The following USP5 variants were observed in gnomAD, a reference collection of about 807,000 sequenced individuals.
The protein encoded by USP5 is ubiquitin specific peptidase 5.
USP5 carries 24 observed loss-of-function variants against 102.5 expected under a neutral mutation model. The ratio of observed to expected loss-of-function variants is 0.23; its 90% CI spans 0.17 to 0.33. The LOEUF is 0.33. USP5 is among the 10% of genes least tolerant of loss of function. The probability of loss-of-function intolerance (pLI) is 1.00; values close to 1 mark genes in which losing one functional copy is unlikely to be tolerated. For missense variants in USP5, 753 were observed against 1,122.1 expected, an observed-to-expected ratio of 0.67 and a Z score of 4.70; for synonymous variants, 460 against 434.8, an observed-to-expected ratio of 1.06 and a Z score of -0.72.
At position 6,863,109 on chromosome 12, in the gene USP5, G is replaced by C. The variant is rs909594661; in HGVS notation, c.1763-77G>C. On this transcript the variant is annotated intron_variant, in intron 14 of 19. Coordinates refer to ENST00000229268, the MANE Select transcript of USP5 (RefSeq NM_001098536.2). This position sits in a 1 kb window ranked among gnomAD's most constrained non-coding sequence, Gnocchi z 4.7. ...TCTTTACAGAGCAGTTCTGACATAG[G>C]GGGCAGGGGATTGAGGTTCCCGAAT... 45 of 1,437,934 alleles carry C rather than the reference G, an allele frequency of 3.1e-5. No homozygotes were observed. Among genetic ancestry groups the C allele is most frequent in the Non-Finnish European group, 3.8e-5 (41 of 1,069,740 alleles). The allele number at this position is 1,437,934 out of a possible 1,614,324, so 89.1% of individuals were successfully genotyped here. A position where few individuals can be genotyped will look rare whatever the true frequency, so the allele number is the denominator to read the frequency against.
At position 6,859,486 on chromosome 12, in the gene USP5, GAGA is replaced by G; in HGVS notation, c.1079_1081del (p.Lys360del). The G allele has an allele frequency of 6.2e-7, 1 of 1,614,132 alleles. No homozygotes were observed. The highest frequency in any genetic ancestry group is 8.5e-7 in the Non-Finnish European group (1 of 1,180,028). On this transcript the variant is annotated inframe_deletion, in exon 9 of 20. Coordinates refer to ENST00000229268, the MANE Select transcript of USP5 (RefSeq NM_001098536.2). Reference sequence around the variant, plus strand: ...GACTTTTAGGTATGTGGATAAGCTGGAGAAGATCTTCCAGAATGCCCCGACGGA... The same window carrying G: ...GACTTTTAGGTATGTGGATAAGCTGGAGATCTTCCAGAATGCCCCGACGGA...
At chr12:6,862,116 T>G (rs1298984112) in intron 13 of USP5, among the ~76,000 whole-genome samples, 1 of 151,616 alleles carries the variant, frequency 6.6e-6, no homozygotes, top group Non-Finnish European at 1.5e-5. Context: ...GGTCTTGCTA[T>G]GTTTTTTTCC....
chr12:6,853,740 T>C (rs913007318), intron 1 of USP5, among the ~76,000 whole-genome samples: 9 of 152,268 alleles, frequency 5.9e-5, no homozygotes, highest in Admixed American at 2.0e-4. Context: ...CCTAGTTCTT[T>C]GCTAACCAAC....
chr12:6,862,849 AG>A (rs1555129855), intron 14 of USP5, among the ~76,000 whole-genome samples: 1 of 152,236 alleles, frequency 6.6e-6, no homozygotes, highest in East Asian at 1.9e-4. Flanking sequence ...TGAGTCTTAC[AG>A]GTCCCTGACT....
In USP5 at chr12:6,860,552, C is replaced by A; in HGVS notation, c.1344+61C>A. ...TGCAATTTACTCGCTCTCCTTCCTG[C>A]CCATTTCTCCCTCTATCAGCCCCAA... On this transcript the variant is annotated intron_variant, in intron 11 of 19. Transcript: ENST00000229268. The surrounding 1 kb of genome is among the most constrained non-coding windows in gnomAD (Gnocchi z 5.5). 1.2e-6 allele frequency: 2 copies of A among 1,603,268 alleles called. No homozygotes were observed. Among genetic ancestry groups the A allele is most frequent in the Non-Finnish European group, 8.5e-7 (1 of 1,177,814 alleles).
chr12:6,862,422 G>T (rs1555129754), intron 13 of USP5, 48 bp from the exon 14 acceptor site: 1 of 1,567,626 alleles, frequency 6.4e-7, no homozygotes, highest in Non-Finnish European at 8.8e-7. Context: ...TTCAGGAGAG[G>T]AAAACCCTGG....
At position 6,858,434 on chromosome 12, in the gene USP5, C is replaced by T. The variant is rs781879576; in HGVS notation, c.875C>T (p.Thr292Met). The T allele has an allele frequency of 3.1e-6, 5 of 1,602,436 alleles. No individual in the cohort carries two copies. Among genetic ancestry groups the T allele is most frequent in the Non-Finnish European group, 4.3e-6 (5 of 1,170,018 alleles). ...CCCCTTCTCACACAGACAGACAAGA[C>T]GATGACTGAGTTGGAGATAGACATG... Reference protein sequence around the residue: ...DMLKMQKTDKTMTELEIDMNQ... With the variant: ...DMLKMQKTDKMMTELEIDMNQ... Residue 292 changes from threonine to methionine, a missense_variant, in exon 8 of 20, where the codon ACG becomes ATG. Physicochemically the swap from Thr to Met is moderately conservative, Grantham distance 81 (BLOSUM62 -1). Around this residue, in one of 3 missense-constraint regions of USP5, gnomAD observed 527 missense variants for 816.5 expected, o/e 0.65. Coordinates refer to ENST00000229268, the MANE Select transcript of USP5 (RefSeq NM_001098536.2). The surrounding 1 kb of genome is among the most constrained non-coding windows in gnomAD (Gnocchi z 4.2).
At position 6,861,028 on chromosome 12, in the gene USP5, A is replaced by G; in HGVS notation, c.1420A>G (p.Thr474Ala). The change falls in exon 12 of 20, where the codon ACA becomes GCA. Residue 474 changes from threonine (T) to alanine (A), a missense_variant. Around this residue, in one of 3 missense-constraint regions of USP5, gnomAD observed 527 missense variants for 816.5 expected, o/e 0.65. Coordinates refer to ENST00000229268, the MANE Select transcript of USP5 (RefSeq NM_001098536.2). The surrounding 1 kb of genome is among the most constrained non-coding windows in gnomAD (Gnocchi z 4.9). ...LVEEKIKCLA[T>A]EKVKYTQRVD... Reference sequence around the variant, plus strand: ...GGAGGAAAAGATCAAGTGCCTGGCCACAGAGAAGGTGAAGTACACCCAGCG... The same window carrying G: ...GGAGGAAAAGATCAAGTGCCTGGCCGCAGAGAAGGTGAAGTACACCCAGCG... 1 of 1,614,244 alleles carries G rather than the reference A, an allele frequency of 6.2e-7. No individual in the cohort carries two copies. Among genetic ancestry groups the G allele is most frequent in the Non-Finnish European group, 8.5e-7 (1 of 1,180,038 alleles).
chr12:6,856,220 G>A lies in USP5; in HGVS notation c.438+70G>A. ...GCCAGGGTAGTGGTGTCTTAGGCAA[G>A]CACTGACAAAGCTGAAGGCCAAGGG... is the stretch of plus-strand genomic sequence containing the variant. On this transcript the variant is annotated intron_variant, in intron 4 of 19. Transcript: ENST00000229268. The surrounding 1 kb of genome is among the most constrained non-coding windows in gnomAD (Gnocchi z 5.6). 6.2e-7 allele frequency: 1 copy of A among 1,607,992 alleles called. No homozygotes were observed. Among genetic ancestry groups the A allele is most frequent in the Non-Finnish European group, 8.5e-7 (1 of 1,175,838 alleles).
In USP5 at chr12:6,856,091, G is replaced by A. The variant is rs782436774; in HGVS notation, c.379G>A (p.Asp127Asn). 5 of 1,614,084 alleles carry A rather than the reference G, an allele frequency of 3.1e-6. No homozygotes were observed. In the South Asian group the frequency reaches 5.5e-5, roughly 18 times the overall value. ...DEDVKIVILP[D>N]YLEIARDGLG... Reference sequence around the variant, plus strand: ...GGATGTGAAGATTGTCATTTTGCCAGATTACCTGGAGATTGCCCGGGATGG... The same window carrying A: ...GGATGTGAAGATTGTCATTTTGCCAAATTACCTGGAGATTGCCCGGGATGG... The change falls in exon 4 of 20, where the codon GAT becomes AAT. Residue 127 changes from aspartate (D) to asparagine (N), a missense_variant. Transcript: ENST00000229268. This position sits in a 1 kb window ranked among gnomAD's most constrained non-coding sequence, Gnocchi z 5.6.
intron 19 of USP5, among the ~76,000 whole-genome samples, chr12:6,865,537 A>T (rs1017743912): frequency 2.6e-5 from 4 of 152,308 alleles, no homozygotes; most frequent in African/African-American, 4.8e-5. Context: ...TGCTAGGATT[A>T]CAGGCATGAG....
rs1555128128 is a variant in USP5 at position 6,855,980 on chromosome 12, A to G, written c.305-37A>G. Reference sequence around the variant, plus strand: ...GGAGGAGGGACATTGACCTGTTGTCATTGCTCTACTCTCCCTCTTCTTCCC... The same window carrying G: ...GGAGGAGGGACATTGACCTGTTGTCGTTGCTCTACTCTCCCTCTTCTTCCC... On this transcript the variant is annotated intron_variant, in intron 3 of 19. Transcript: ENST00000229268. The surrounding 1 kb of genome is among the most constrained non-coding windows in gnomAD (Gnocchi z 4.6). 1.9e-6 allele frequency: 3 copies of G among 1,613,122 alleles called. No homozygotes were observed. The African/African-American group carries it at 4.0e-5, about 21-fold the overall frequency.
At position 6,863,127 on chromosome 12, in the gene USP5, T is replaced by C. The variant is rs939796979; in HGVS notation, c.1763-59T>C. 4.2e-5 allele frequency: 64 copies of C among 1,531,496 alleles called. 1 individual carries two copies. The highest frequency in any genetic ancestry group is 1.9e-4 in the South Asian group (15 of 79,956). The allele number at this position is 1,531,496 out of a possible 1,614,324, so 94.9% of individuals were successfully genotyped here. On this transcript the variant is annotated intron_variant, in intron 14 of 19. Coordinates refer to ENST00000229268, the MANE Select transcript of USP5 (RefSeq NM_001098536.2). This position sits in a 1 kb window ranked among gnomAD's most constrained non-coding sequence, Gnocchi z 4.7. ...GACATAGGGGGCAGGGGATTGAGGT[T>C]CCCGAATCACTTTCCAGGTAGGCCT...
Position 6,864,524 on chromosome 12 carries a change from C to T in USP5, c.2245-198C>T, listed in dbSNP as rs1013498653. On this transcript the variant is annotated intron_variant, in intron 17 of 19. Coordinates refer to ENST00000229268, the MANE Select transcript of USP5 (RefSeq NM_001098536.2). This position sits in a 1 kb window ranked among gnomAD's most constrained non-coding sequence, Gnocchi z 4.8. ...CTAACACGGTGAAACCCCGTCTCTA[C>T]GAAAAATACAAAAAATTAACCAAGC... Among the ~76,000 whole-genome samples the T allele has an allele frequency of 2.0e-5, 3 of 152,102 alleles. No individual in the cohort carries two copies. Among genetic ancestry groups the T allele is most frequent in the Non-Finnish European group, 2.9e-5 (2 of 68,024 alleles).
Position 6,864,030 on chromosome 12 carries a change from CA to C in USP5, c.2099-18del, listed in dbSNP as rs1555130170. On this transcript the variant is annotated intron_variant, in intron 16 of 19. Transcript: ENST00000229268. The surrounding 1 kb of genome is among the most constrained non-coding windows in gnomAD (Gnocchi z 4.8). Reference sequence around the variant, plus strand: ...GGCCTCCATCCTCCCCCAAACACATCAACCCCTTCACATCCACAGATTTTGC... The same window carrying C: ...GGCCTCCATCCTCCCCCAAACACATCACCCCTTCACATCCACAGATTTTGC... 1 of 1,590,614 alleles carries C rather than the reference CA, an allele frequency of 6.3e-7. No individual in the cohort carries two copies. Among genetic ancestry groups the C allele is most frequent in the Admixed American group, 1.7e-5 (1 of 58,148 alleles).
In USP5 at chr12:6,858,993, G is replaced by A. The variant is rs1555128938; in HGVS notation, c.1058+376G>A. Among the ~76,000 whole-genome samples the A allele has an allele frequency of 6.6e-6, 1 of 152,128 alleles. No individual in the cohort carries two copies. Among genetic ancestry groups the A allele is most frequent in the Non-Finnish European group, 1.5e-5 (1 of 68,032 alleles). ...AGAGTGCCAAGTCCCAGGGCTCTGT[G>A]GCCTTCTGACAGACTCAAGGGTTAG... On this transcript the variant is annotated intron_variant, in intron 8 of 19. Transcript: ENST00000229268. This position sits in a 1 kb window ranked among gnomAD's most constrained non-coding sequence, Gnocchi z 4.2.
In USP5 at chr12:6,861,734, C is replaced by T. The variant is rs1057312234; in HGVS notation, c.1673+117C>T. On this transcript the variant is annotated intron_variant, in intron 13 of 19. Transcript: ENST00000229268. The surrounding 1 kb of genome is among the most constrained non-coding windows in gnomAD (Gnocchi z 4.9). ...TGTGGTTGGAACCTCAGGGTTGAAT[C>T]AGTTGGGCTGGTAATCTGGCCCTGA... 6.6e-5 allele frequency: 79 copies of T among 1,200,652 alleles called. 1 individual carries two copies. Among genetic ancestry groups the T allele is most frequent in the Non-Finnish European group, 7.8e-5 (72 of 923,498 alleles). 74.4% of individuals were successfully genotyped at this position (1,200,652 alleles called of 1,614,324 possible). A position where few individuals can be genotyped will look rare whatever the true frequency, so the allele number is the denominator to read the frequency against.
intron 14 of USP5, 51 bp downstream of exon 14, chr12:6,862,609 G>T: frequency 6.4e-7 from 1 of 1,563,714 alleles, no homozygotes; most frequent in Non-Finnish European, 8.8e-7. Context: ...AGAAAAAGAA[G>T]GGGCTTTAAC....
Position 6,859,507 on chromosome 12 carries a change from CCGA to C in USP5, c.1099_1101del (p.Thr367del). The stretch of plus-strand genomic sequence containing the variant: ...GCTGGAGAAGATCTTCCAGAATGCC[CCGA>C]CGGACCCTACCCAGGATTTCAGCAC... On this transcript the variant is annotated inframe_deletion, in exon 9 of 20. Transcript: ENST00000229268. 6.2e-7 allele frequency: 1 copy of C among 1,614,190 alleles called. No individual in the cohort carries two copies. Among genetic ancestry groups the C allele is most frequent in the Non-Finnish European group, 8.5e-7 (1 of 1,180,022 alleles).
Sources: gnomAD v4.1 joint callset for allele counts (sites outside exome capture counted in the v4.1 genomes callset) on GRCh38, gnomAD v4.1.1 for gene constraint, gnomAD v4.1.1 regional missense constraint, Gnocchi (gnomAD v3.1) non-coding constraint, MANE v1.5 for transcripts, NCBI Gene and HGNC (gene_info 2026-07-23, HGNC 2026-07-21) for gene names.